The following PUM3 variants were observed in gnomAD, a reference collection of about 807,000 sequenced individuals.
PUM3 encodes the protein pumilio RNA binding family member 3.
In PUM3, 91 loss-of-function variants were observed where a neutral mutation model predicts 84.0. The observed-to-expected ratio is 1.08, with a 90% CI of 0.91 to 1.29. The LOEUF is 1.29. Among genes scored for constraint, PUM3 ranks in the 50% most tolerant of loss-of-function variants. PUM3 has a pLI of 0.00. For missense variants in PUM3, 1,067 were observed against 767.5 expected (o/e 1.39, Z -4.61); for synonymous variants, 321 against 266.7 (o/e 1.20, Z -1.98).
chr9:2,843,028 C>A (rs1816309530), intron 1 of PUM3, among the ~76,000 whole-genome samples: 2 of 152,230 alleles, frequency 1.3e-5, no homozygotes, highest in South Asian at 2.1e-4. Context: ...AAACTATTAC[C>A]AATACAATCT....
Position 2,807,904 on chromosome 9 carries a change from C to A in PUM3, c.1724G>T (p.Gly575Val). ...CTCTACAAGTGTTTTTGCAAAACAA[C>A]CTGTAAAATATACTGAAGCTTAGTG... ...DKKMKENGRE[G>V]CFAKTLVEHV... The change falls in exon 17 of 18, where the codon GGT becomes GTT. Residue 575 changes from glycine to valine, a missense_variant and splice_region_variant. Transcript: ENST00000397885. 1 of 1,597,750 alleles carries A rather than the reference C, an allele frequency of 6.3e-7. No homozygotes were observed. The highest frequency in any genetic ancestry group is 8.6e-7 in the Non-Finnish European group (1 of 1,165,906).
chr9:2,838,589 C>A (rs1163151648), intron 1 of PUM3, 72 bp from the exon 2 acceptor site: 2 of 879,896 alleles, frequency 2.3e-6, no homozygotes, highest in African/African-American at 1.6e-5. Context: ...GTTTCATAGT[C>A]ATTGCCACAT....
chr9:2,837,418 T>A lies in PUM3; in HGVS notation c.83-17A>T, dbSNP rs780366081. The stretch of plus-strand genomic sequence containing the variant: ...AACCAGAATCTAGTGACAATAATAA[T>A]TATAAGTTCAATGATTCTGGGCCCA... On this transcript the variant is annotated splice_polypyrimidine_tract_variant and intron_variant, in intron 2 of 17. Coordinates refer to ENST00000397885, the MANE Select transcript of PUM3 (RefSeq NM_014878.5). 6.6e-7 allele frequency: 1 copy of A among 1,521,894 alleles called. No homozygotes were observed. The allele number at this position is 1,521,894 out of a possible 1,614,324, so 94.3% of individuals were successfully genotyped here. A position where few individuals can be genotyped will look rare whatever the true frequency, so the allele number is the denominator to read the frequency against.
intron 17 of PUM3, among the ~76,000 whole-genome samples, chr9:2,805,422 G>A (rs750155012): frequency 5.3e-5 from 8 of 152,010 alleles, no homozygotes; most frequent in Admixed American, 1.3e-4. Context: ...TTGTAAATAC[G>A]GACCTCTGAA....
chr9:2,835,013 CA>C (rs56393910), intron 3 of PUM3, among the ~76,000 whole-genome samples: 131 of 119,938 alleles, frequency 1.1e-3, no homozygotes, highest in East Asian at 3.2e-3. Flanking sequence ...GGGAAAAATG[CA>C]AAAAAAAAAA....
At chr9:2,816,554 T>C (rs1426865974) in intron 13 of PUM3, among the ~76,000 whole-genome samples, 1 of 152,216 alleles carries the variant, frequency 6.6e-6, no homozygotes, top group East Asian at 1.9e-4. Context: ...TGTGAAGATC[T>C]ATCGCCATGG....
intron 12 of PUM3, among the ~76,000 whole-genome samples, chr9:2,822,665 G>A (rs867725994): frequency 1.3e-5 from 2 of 148,754 alleles, no homozygotes; most frequent in African/African-American, 2.5e-5. Context: ...AGAATGTCAC[G>A]CAAAAAAATT....
chr9:2,814,816 A>G (rs1821439938), intron 13 of PUM3, among the ~76,000 whole-genome samples: 1 of 152,250 alleles, frequency 6.6e-6, no homozygotes, highest in South Asian at 2.1e-4. Context: ...AAACCAAAAC[A>G]AAACAAAAAA....
At position 2,837,384 on chromosome 9, in the gene PUM3, T is replaced by C. The variant is rs1481614543; in HGVS notation, c.100A>G (p.Thr34Ala). ...HKNSDSGSSK[T>A]FPTRKVAKEG... ...TTAGCAACTTTCCTTGTTGGAAATGTCTTTGAAGAACCAGAATCTAGTGAC... is the reference window on the plus strand; with the variant it reads ...TTAGCAACTTTCCTTGTTGGAAATGCCTTTGAAGAACCAGAATCTAGTGAC... The change falls in exon 3 of 18, where the codon ACA becomes GCA. Residue 34 changes from threonine to alanine, a missense_variant. Transcript: ENST00000397885. The C allele has an allele frequency of 1.2e-6, 2 of 1,611,162 alleles. No individual in the cohort carries two copies. Among genetic ancestry groups the C allele is most frequent in the African/African-American group, 2.7e-5 (2 of 74,848 alleles).
intron 3 of PUM3, among the ~76,000 whole-genome samples, chr9:2,834,767 T>A (rs1446093341): frequency 6.6e-6 from 1 of 152,188 alleles, no homozygotes; most frequent in Non-Finnish European, 1.5e-5. Context: ...GCTGTCTTAG[T>A]CATGACAATG....
intron 16 of PUM3, 127 bp from the exon 17 acceptor site, chr9:2,808,031 A>C: frequency 3.2e-6 from 2 of 623,116 alleles, no homozygotes; most frequent in Admixed American, 3.0e-5. Context: ...GCTTTCACCC[A>C]ATCTCCCTTT....
Position 2,833,448 on chromosome 9 carries a change from G to A in PUM3, c.441-16C>T, listed in dbSNP as rs1368015688. ...ACAGTCTTTTCTACAAATGAGGAGA[G>A]GAAGGAAACACAGTTGAAATAAAGA... On this transcript the variant is annotated splice_polypyrimidine_tract_variant and intron_variant, in intron 4 of 17. Transcript: ENST00000397885. The A allele has an allele frequency of 2.2e-6, 3 of 1,394,586 alleles. No individual in the cohort carries two copies. Among genetic ancestry groups the A allele is most frequent in the African/African-American group, 2.9e-5 (2 of 69,786 alleles). 86.4% of individuals were successfully genotyped at this position (1,394,586 alleles called of 1,614,324 possible).
chr9:2,836,801 G>T (rs931233159), intron 3 of PUM3, among the ~76,000 whole-genome samples: 2 of 151,874 alleles, frequency 1.3e-5, no homozygotes, highest in Non-Finnish European at 2.9e-5. Flanking sequence ...GATTATTTTT[G>T]TGTGTGTGCG....
intron 13 of PUM3, among the ~76,000 whole-genome samples, chr9:2,813,712 G>A (rs1173849766): frequency 3.3e-5 from 5 of 152,194 alleles, no homozygotes; most frequent in Admixed American, 1.3e-4. Flanking sequence ...CATCAACGAT[G>A]GGACCGTGAA....
intron 3 of PUM3, among the ~76,000 whole-genome samples, chr9:2,836,814 T>C (rs1203411396): frequency 6.6e-6 from 1 of 152,096 alleles, no homozygotes; most frequent in Non-Finnish European, 1.5e-5. Flanking sequence ...TGTGTGCGTG[T>C]GTGTGTGTGT....
intron 10 of PUM3, among the ~76,000 whole-genome samples, chr9:2,825,450 C>A (rs1815790064): frequency 6.6e-6 from 1 of 152,038 alleles, no homozygotes; most frequent in Non-Finnish European, 1.5e-5. Flanking sequence ...TAACCTTTAG[C>A]CTTCATTTTC....
At chr9:2,811,011 T>A (rs951394902) in intron 15 of PUM3, among the ~76,000 whole-genome samples, 4 of 152,202 alleles carry the variant, frequency 2.6e-5, no homozygotes, top group Admixed American at 2.6e-4. Context: ...TCAAGGTACA[T>A]TCATCTTTCC....
Position 2,807,856 on chromosome 9 carries a change from T to C in PUM3, c.1772A>G (p.Lys591Arg). ...LVEHVGMKNL[K>R]SWASVNRGAI... The stretch of plus-strand genomic sequence containing the variant: ...ACCTCGATTTACACTAGCCCAGGAC[T>C]TCAGGTTCTTCATACCAACATGCTC... Residue 591 changes from lysine (K) to arginine (R), a missense_variant, in exon 17 of 18, where the codon AAG becomes AGG. By Grantham distance (26) the Lys-to-Arg change is conservative. Transcript: ENST00000397885. 1 of 1,613,760 alleles carries C rather than the reference T, an allele frequency of 6.2e-7. No homozygotes were observed. The highest frequency in any genetic ancestry group is 8.5e-7 in the Non-Finnish European group (1 of 1,179,864).
At chr9:2,819,346 C>T (rs865923999) in intron 13 of PUM3, among the ~76,000 whole-genome samples, 4 of 152,176 alleles carry the variant, frequency 2.6e-5, no homozygotes, top group Non-Finnish European at 5.9e-5. Flanking sequence ...CTGAAGGCAA[C>T]GTTAGCGATA....
Sources: allele counts gnomAD v4.1 joint callset (sites outside exome capture counted in the v4.1 genomes callset), GRCh38; gene constraint gnomAD v4.1.1; transcripts MANE v1.5; gene names NCBI Gene and HGNC (gene_info 2026-07-23, HGNC 2026-07-21).